The following SLC15A2 variants were observed in gnomAD, a reference collection of about 807,000 sequenced individuals.
SLC15A2 encodes solute carrier family 15 member 2.
Under a neutral mutation model 95.5 loss-of-function variants are expected in SLC15A2, and 77 were observed. That is an observed-to-expected ratio of 0.81 (90% CI 0.67 to 0.97). SLC15A2 has a LOEUF of 0.97. SLC15A2 is among the 50% of genes least tolerant of loss of function. The pLI, the probability that SLC15A2 is intolerant of heterozygous loss-of-function variation, is 0.00. For synonymous variants in SLC15A2, 306 were observed against 306.9 expected (o/e 1.00, Z 0.03); for missense variants, 893 against 874.4 (o/e 1.02, Z -0.27).
At chr3:121,940,679 G>A in intron 21 of SLC15A2, 152 bp from the exon 22 acceptor site, 1 of 864,940 alleles carries the variant, frequency 1.2e-6, no homozygotes, top group Non-Finnish European at 1.8e-6. Flanking sequence ...ATATACCTAT[G>A]TGAGGAGAGG....
intron 7 of SLC15A2, among the ~76,000 whole-genome samples, chr3:121,918,016 G>T (rs534838054): frequency 7.9e-5 from 12 of 152,204 alleles, no homozygotes; most frequent in African/African-American, 2.9e-4. Flanking sequence ...GGGAGAGTGG[G>T]GAACTCTAAA....
At chr3:121,921,585 A>C (rs932172519) in intron 7 of SLC15A2, among the ~76,000 whole-genome samples, 3 of 152,160 alleles carry the variant, frequency 2.0e-5, no homozygotes, top group African/African-American at 4.8e-5. Flanking sequence ...GATGTTAGGG[A>C]TAACAATAAC....
In SLC15A2 at chr3:121,901,295, G is replaced by T. The variant is rs369205299; in HGVS notation, c.335+3766G>T. Reference sequence around the variant, plus strand: ...GTCTCCCAAACTGCTGGGATTACAAGTGTGAGCCACTGTGCCCGGCTGTGA... The same window carrying T: ...GTCTCCCAAACTGCTGGGATTACAATTGTGAGCCACTGTGCCCGGCTGTGA... On this transcript the variant is annotated intron_variant, in intron 3 of 21. Coordinates refer to ENST00000489711, the MANE Select transcript of SLC15A2 (RefSeq NM_021082.4). Among the ~76,000 whole-genome samples, 33 of 152,286 alleles carry T rather than the reference G, an allele frequency of 2.2e-4. No individual in the cohort carries two copies. In the East Asian group the frequency reaches 5.0e-3, roughly 23 times the overall value.
chr3:121,912,115 G>A (rs895802754), intron 4 of SLC15A2, among the ~76,000 whole-genome samples: 3 of 152,206 alleles, frequency 2.0e-5, no homozygotes, highest in Admixed American at 2.0e-4. Flanking sequence ...TCTGATGTCT[G>A]TCTATTCAGT....
chr3:121,907,803 G>T (rs981100779), intron 3 of SLC15A2, among the ~76,000 whole-genome samples: 1 of 152,244 alleles, frequency 6.6e-6, no homozygotes, highest in Non-Finnish European at 1.5e-5. Flanking sequence ...CCACTGAGAG[G>T]TGTCTCCCGG....
chr3:121,927,766 G>C lies in SLC15A2; in HGVS notation c.1133G>C (p.Arg378Thr). Residue 378 changes from arginine (R) to threonine (T), a missense_variant, in exon 14 of 22, where the codon AGG becomes ACG. Transcript: ENST00000489711. ...SKCGINFSSL[R>T]KMAVGMILAC... ...TCTCCTTTCCACCACAGATCACTTA[G>C]GAAAATGGCTGTTGGTATGATCCTA... The C allele has an allele frequency of 6.2e-7, 1 of 1,613,414 alleles. No individual in the cohort carries two copies. The highest frequency in any genetic ancestry group is 8.5e-7 in the Non-Finnish European group (1 of 1,179,304).
At chr3:121,920,519 A>G (rs1336685340) in intron 7 of SLC15A2, among the ~76,000 whole-genome samples, 2 of 152,016 alleles carry the variant, frequency 1.3e-5, no homozygotes, top group Non-Finnish European at 2.9e-5. Flanking sequence ...GGTCAGCTCA[A>G]TCTCTCGACC....
intron 3 of SLC15A2, among the ~76,000 whole-genome samples, chr3:121,903,568 T>C (rs1709563280): frequency 6.6e-6 from 1 of 152,200 alleles, no homozygotes; most frequent in African/African-American, 2.4e-5. Context: ...TTTCTACATA[T>C]GGCTAGCCAG....
chr3:121,928,430 C>G lies in SLC15A2; in HGVS notation c.1216C>G (p.Pro406Ala), dbSNP rs1576687458. ...AVEIKINEMA[P>A]AQPGPQEVFL... ...TGTTCTTTGCTCTAAGGAAATGGCC[C>G]CAGCCCAGCCAGGTCCCCAGGAGGT... The change falls in exon 15 of 22, where the codon CCA becomes GCA. Residue 406 changes from proline (P) to alanine (A), a missense_variant. By Grantham distance (27) the Pro-to-Ala change is conservative (BLOSUM62 -1). Coordinates refer to ENST00000489711, the MANE Select transcript of SLC15A2 (RefSeq NM_021082.4). 6.2e-7 allele frequency: 1 copy of G among 1,613,626 alleles called. No homozygotes were observed. The highest frequency in any genetic ancestry group is 2.2e-5 in the East Asian group (1 of 44,862).
At chr3:121,901,958 C>T (rs1043060793) in intron 3 of SLC15A2, among the ~76,000 whole-genome samples, 16 of 152,124 alleles carry the variant, frequency 1.1e-4, no homozygotes, top group Non-Finnish European at 2.1e-4. Context: ...GGGCAATTTC[C>T]TGAAGTTAGT....
chr3:121,928,584 A>G, intron 15 of SLC15A2, 29 bp downstream of exon 15: 1 of 1,607,458 alleles, frequency 6.2e-7, no homozygotes, highest in South Asian at 1.1e-5. Context: ...TGAATTAGAA[A>G]CTCTGTATGC....
chr3:121,927,428 G>T (rs183843631), intron 13 of SLC15A2, among the ~76,000 whole-genome samples: 3 of 152,268 alleles, frequency 2.0e-5, no homozygotes, highest in Non-Finnish European at 4.4e-5. Context: ...ACAAGATCTG[G>T]TCATTTAAAA....
In SLC15A2 at chr3:121,942,921, T is replaced by G. The variant is rs1710487132; in HGVS notation, c.*1914T>G. Reference sequence around the variant, plus strand: ...TCTTCCTTGTAAGTGCTGAGCTTCCTCTCTGAAACCTCCTACCATTGTTTT... The same window carrying G: ...TCTTCCTTGTAAGTGCTGAGCTTCCGCTCTGAAACCTCCTACCATTGTTTT... On this transcript the variant is annotated 3_prime_UTR_variant, in exon 22 of 22. Transcript: ENST00000489711. The G allele has an allele frequency of 6.6e-6, 1 of 152,232 alleles. No individual in the cohort carries two copies. Among genetic ancestry groups the G allele is most frequent in the South Asian group, 2.1e-4 (1 of 4,832 alleles). The allele number at this position is 152,232 out of a possible 1,614,324, so 9.4% of individuals were successfully genotyped here.
intron 19 of SLC15A2, among the ~76,000 whole-genome samples, chr3:121,935,613 T>C (rs939727238): frequency 2.0e-5 from 3 of 152,172 alleles, no homozygotes; most frequent in South Asian, 2.1e-4. Context: ...TGGTGATATC[T>C]CCTTTATCAT....
In SLC15A2 at chr3:121,939,409, A is replaced by C. The variant is rs777409612; in HGVS notation, c.1822A>C (p.Ile608Leu). Residue 608 changes from isoleucine (I) to leucine (L), a missense_variant, in exon 20 of 22, where the codon ATT becomes CTT. Transcript: ENST00000489711. Reference sequence around the variant, plus strand: ...AGACATTCCAGCCAACAAAATGTCCATTGCGTGGCAGCTACCACAATATGC... The same window carrying C: ...AGACATTCCAGCCAACAAAATGTCCCTTGCGTGGCAGCTACCACAATATGC... Reference protein sequence around the residue: ...IEDIPANKMSIAWQLPQYALV... With the variant: ...IEDIPANKMSLAWQLPQYALV... 7.0e-6 allele frequency: 11 copies of C among 1,581,606 alleles called. No individual in the cohort carries two copies. In the East Asian group the frequency reaches 2.6e-4, roughly 38 times the overall value.
intron 13 of SLC15A2, among the ~76,000 whole-genome samples, chr3:121,926,887 C>A (rs776780617): frequency 6.6e-6 from 1 of 152,182 alleles, no homozygotes; most frequent in Non-Finnish European, 1.5e-5. Context: ...ATTGGTGTGC[C>A]CTGAATGTGG....
intron 5 of SLC15A2, among the ~76,000 whole-genome samples, chr3:121,914,207 A>T (rs902828453): frequency 2.0e-5 from 3 of 152,250 alleles, no homozygotes; most frequent in Non-Finnish European, 4.4e-5. Context: ...GATAAGTGGA[A>T]TAAGGTTTAA....
In SLC15A2 at chr3:121,929,420, G is replaced by A. The variant is rs915262739; in HGVS notation, c.1553+72G>A. ...TGGATCTCTTCTAATCTTTGGGGCTGCATTCTACTTGTTCTGAACAGGAAT... is the reference window on the plus strand; with the variant it reads ...TGGATCTCTTCTAATCTTTGGGGCTACATTCTACTTGTTCTGAACAGGAAT... On this transcript the variant is annotated intron_variant, in intron 17 of 21. Transcript: ENST00000489711. 2.2e-5 allele frequency: 32 copies of A among 1,488,162 alleles called. No homozygotes were observed. In the East Asian group the frequency reaches 6.3e-4, roughly 30 times the overall value. 92.2% of individuals were successfully genotyped at this position (1,488,162 alleles called of 1,614,324 possible). A position where few individuals can be genotyped will look rare whatever the true frequency, so the allele number is the denominator to read the frequency against.
chr3:121,913,175 G>A (rs993471443), intron 5 of SLC15A2, 55 bp downstream of exon 5: 9 of 1,345,776 alleles, frequency 6.7e-6, no homozygotes, highest in Middle Eastern at 3.6e-4. Context: ...ATTAATGGGG[G>A]TATCTGGCAG....
Sources: gnomAD v4.1 joint callset for allele counts (sites outside exome capture counted in the v4.1 genomes callset) on GRCh38, gnomAD v4.1.1 for gene constraint, MANE v1.5 for transcripts, NCBI Gene and HGNC (gene_info 2026-07-23, HGNC 2026-07-21) for gene names.